The following MPP7 variants were observed in gnomAD, a reference collection of about 807,000 sequenced individuals.
MPP7 encodes the protein MAGUK p55 subfamily member 7.
In MPP7, 60 loss-of-function variants were observed where a neutral mutation model predicts 76.5. The observed-to-expected ratio is 0.78, with a 90% CI of 0.64 to 0.97. The LOEUF is 0.97. Ranked by LOEUF, MPP7 falls within the 50% of genes least tolerant of loss-of-function variation. The pLI is 0.00. For missense variants in MPP7, 641 were observed against 694.0 expected, an observed-to-expected ratio of 0.92 and a Z score of 0.86; for synonymous variants, 237 against 244.5, an observed-to-expected ratio of 0.97 and a Z score of 0.29.
chr10:28,278,923 A>G (rs1159969049), intron 1 of MPP7, among the ~76,000 whole-genome samples: 1 of 151,974 alleles, frequency 6.6e-6, no homozygotes, highest in Non-Finnish European at 1.5e-5. Flanking sequence ...CCCAAATTAA[A>G]AAAAGAAGGA....
At chr10:28,062,575 CACACA>C (rs1588711991) in intron 13 of MPP7, among the ~76,000 whole-genome samples, 4 of 128,782 alleles carry the variant, frequency 3.1e-5, no homozygotes, top group Non-Finnish European at 3.2e-5. Flanking sequence ...CACACACACA[CACACA>C]CCAAAGGTTG....
At chr10:28,132,324 A>G (rs1835219946) in intron 5 of MPP7, among the ~76,000 whole-genome samples, 1 of 152,232 alleles carries the variant, frequency 6.6e-6, no homozygotes, top group Non-Finnish European at 1.5e-5. Flanking sequence ...TGGACTTTCA[A>G]CAAACTTGAC....
chr10:28,069,975 G>T (rs932524374), intron 12 of MPP7, 123 bp from the exon 13 acceptor site: 2 of 662,884 alleles, frequency 3.0e-6, no homozygotes, highest in South Asian at 2.0e-5. Flanking sequence ...TAAGTAAAGA[G>T]ATTATTTTCT....
chr10:28,166,841 CT>C (rs1564671979), intron 3 of MPP7, among the ~76,000 whole-genome samples: 2 of 152,100 alleles, frequency 1.3e-5, no homozygotes, highest in African/African-American at 2.4e-5. Context: ...CCAACACTTG[CT>C]TTTTTCCCCC....
At chr10:28,220,177 C>T (rs1286455046) in intron 2 of MPP7, among the ~76,000 whole-genome samples, 1 of 152,102 alleles carries the variant, frequency 6.6e-6, no homozygotes, top group Admixed American at 6.6e-5. Flanking sequence ...TTCATTTGTA[C>T]ATGCCATCTC....
At chr10:28,117,514 CG>C (rs1459787811) in intron 11 of MPP7, among the ~76,000 whole-genome samples, 3 of 152,124 alleles carry the variant, frequency 2.0e-5, no homozygotes, top group Admixed American at 2.0e-4. Context: ...GGCATGATAA[CG>C]TAAGTTTCCT....
chr10:28,122,620 C>G (rs4271297), intron 8 of MPP7, among the ~76,000 whole-genome samples: 60,000 of 152,074 alleles, frequency 0.39, 15,499 homozygotes, highest in Non-Finnish European at 0.58. Flanking sequence ...ATCAAGCCTG[C>G]CCTGGGCTTG....
intron 11 of MPP7, among the ~76,000 whole-genome samples, chr10:28,096,674 A>G (rs972519320): frequency 3.9e-5 from 6 of 152,090 alleles, no homozygotes; most frequent in South Asian, 2.1e-4. Flanking sequence ...TGTTTCTATA[A>G]CTTTTCCATC....
intron 11 of MPP7, among the ~76,000 whole-genome samples, chr10:28,092,304 A>C (rs1853344114): frequency 6.6e-6 from 1 of 152,214 alleles, no homozygotes; most frequent in Non-Finnish European, 1.5e-5. Context: ...GTTGTTCTAA[A>C]GCTCCTTTAC....
intron 3 of MPP7, among the ~76,000 whole-genome samples, chr10:28,188,969 G>C (rs1837319328): frequency 6.6e-6 from 1 of 151,640 alleles, no homozygotes; most frequent in African/African-American, 2.4e-5. Flanking sequence ...TGTTAAAAAG[G>C]AAGTTTGTCA....
chr10:28,122,618 T>C (rs1258593879), intron 8 of MPP7, among the ~76,000 whole-genome samples: 3 of 152,218 alleles, frequency 2.0e-5, no homozygotes, highest in Admixed American at 6.5e-5. Flanking sequence ...GGATCAAGCC[T>C]GCCCTGGGCT....
intron 3 of MPP7, 49 bp downstream of exon 3, chr10:28,202,103 AT>A: frequency 2.3e-6 from 3 of 1,320,272 alleles, no homozygotes; most frequent in Non-Finnish European, 2.2e-6. Context: ...TGCCCCAAAT[AT>A]TTTTCCATAT....
At chr10:28,266,105 G>A (rs991344608) in intron 1 of MPP7, among the ~76,000 whole-genome samples, 5 of 151,910 alleles carry the variant, frequency 3.3e-5, no homozygotes, top group African/African-American at 7.3e-5. Context: ...GATTACAGGC[G>A]CCCACCACCG....
intron 12 of MPP7, among the ~76,000 whole-genome samples, chr10:28,077,155 C>T (rs961203546): frequency 3.3e-5 from 5 of 151,406 alleles, no homozygotes; most frequent in African/African-American, 4.9e-5. Context: ...AAAAAATATG[C>T]CATCTCTAAT....
chr10:28,263,232 A>G (rs1840046761), intron 1 of MPP7, among the ~76,000 whole-genome samples: 2 of 152,240 alleles, frequency 1.3e-5, no homozygotes. Flanking sequence ...TCATCTAAAT[A>G]CGCTGAGTGA....
At chr10:28,124,659 A>C (rs534373809) in intron 7 of MPP7, among the ~76,000 whole-genome samples, 30 of 138,816 alleles carry the variant, frequency 2.2e-4, no homozygotes, top group African/African-American at 7.6e-4. Context: ...TTTTTTTTGT[A>C]TTTTTAGTAG....
intron 3 of MPP7, among the ~76,000 whole-genome samples, chr10:28,158,636 C>G (rs192278453): frequency 6.6e-6 from 1 of 152,116 alleles, no homozygotes; most frequent in African/African-American, 2.4e-5. Flanking sequence ...AGAGAGGGAA[C>G]AGTAGAGGCC....
intron 1 of MPP7, among the ~76,000 whole-genome samples, chr10:28,258,839 G>C (rs1839866250): frequency 6.6e-6 from 1 of 152,170 alleles, no homozygotes; most frequent in Non-Finnish European, 1.5e-5. Flanking sequence ...TGTATCTCCT[G>C]TCTCTACTCC....
chr10:28,243,032 C>T (rs1839319645), intron 1 of MPP7, among the ~76,000 whole-genome samples: 1 of 151,738 alleles, frequency 6.6e-6, no homozygotes, highest in African/African-American at 2.4e-5. Context: ...AACACTTGTG[C>T]AATGATTTGA....
Sources: allele counts gnomAD v4.1 joint callset (sites outside exome capture counted in the v4.1 genomes callset), GRCh38; gene constraint gnomAD v4.1.1; transcripts MANE v1.5; gene names NCBI Gene and HGNC (gene_info 2026-07-23, HGNC 2026-07-21).